The following OR5AS1 variants were observed in gnomAD, a reference collection of about 807,000 sequenced individuals.
OR5AS1 encodes the protein olfactory receptor 5AS1.
For synonymous variants in OR5AS1, 196 were observed against 141.7 expected (o/e 1.38, Z -2.72); for missense variants, 492 against 378.2 (o/e 1.30, Z -2.50).
chr11:56,030,733 T>C lies in OR5AS1; in HGVS notation c.315T>C (p.Ala105=), dbSNP rs367948779. ...GTGCACTACAAATGTTTTTCTTCGCTTCTTTTGCTGATGCTGAGTGCCTTA... is the reference window on the plus strand; with the variant it reads ...GTGCACTACAAATGTTTTTCTTCGCCTCTTTTGCTGATGCTGAGTGCCTTA... ...YGCALQMFFF[A]SFADAECLIL... Residue 105 remains alanine (A), a synonymous_variant, in exon 2 of 2, where the codon GCT becomes GCC. Coordinates refer to ENST00000641320, the MANE Select transcript of OR5AS1 (RefSeq NM_001001921.2). The C allele has an allele frequency of 1.9e-6, 3 of 1,612,300 alleles. No individual in the cohort carries two copies. The highest frequency in any genetic ancestry group is 1.7e-6 in the Non-Finnish European group (2 of 1,178,758).
chr11:56,030,817 T>A lies in OR5AS1; in HGVS notation c.399T>A (p.Thr133=). The A allele has an allele frequency of 6.2e-7, 1 of 1,613,940 alleles. No homozygotes were observed. The highest frequency in any genetic ancestry group is 8.5e-7 in the Non-Finnish European group (1 of 1,179,828). ...CCATCTGCAACCCACTGCTCTATAC[T>A]ACACTGATGTCTAGGAGAGTCTGTG... ...YAAICNPLLY[T]TLMSRRVCVC... is the part of the protein sequence containing the mutation. The change falls in exon 2 of 2, where the codon ACT becomes ACA. Residue 133 remains threonine, a synonymous_variant. Transcript: ENST00000641320.
chr11:56,032,715 A>G lies in OR5AS1; in HGVS notation c.*1322A>G, dbSNP rs1287935137. On this transcript the variant is annotated 3_prime_UTR_variant, in exon 2 of 2. Transcript: ENST00000641320. ...TAAATAATCTAATATTTATAGACATACCATGAAGATACTGTGGGTTCTCTT... is the reference window on the plus strand; with the variant it reads ...TAAATAATCTAATATTTATAGACATGCCATGAAGATACTGTGGGTTCTCTT... The G allele has an allele frequency of 6.6e-6, 1 of 152,152 alleles. No individual in the cohort carries two copies. The highest frequency in any genetic ancestry group is 2.4e-5 in the African/African-American group (1 of 41,388). 9.4% of individuals were successfully genotyped at this position (152,152 alleles called of 1,614,324 possible). A position where few individuals can be genotyped will look rare whatever the true frequency, so the allele number is the denominator to read the frequency against.
At chr11:56,030,356 A>G in intron 1 of OR5AS1, 35 bp from the exon 2 acceptor site, 1 of 1,072,438 alleles carries the variant, frequency 9.3e-7, no homozygotes, top group South Asian at 3.2e-5. Flanking sequence ...TTCATCCATA[A>G]CTCAAGTTAA....
In OR5AS1 at chr11:56,037,321, T is replaced by C. The variant is rs1350064668; in HGVS notation, c.*5928T>C. ...TCAAATAGGAAAAGAGGAAGTCAAA[T>C]CGTCTCTGTTTGCAGATGACATGAT... On this transcript the variant is annotated 3_prime_UTR_variant, in exon 2 of 2. Transcript: ENST00000641320. The C allele has an allele frequency of 1.3e-5, 2 of 152,084 alleles. No individual in the cohort carries two copies. Among genetic ancestry groups the C allele is most frequent in the East Asian group, 1.9e-4 (1 of 5,196 alleles). The allele number at this position is 152,084 out of a possible 1,614,324, so 9.4% of individuals were successfully genotyped here. A position where few individuals can be genotyped will look rare whatever the true frequency, so the allele number is the denominator to read the frequency against.
chr11:56,029,984 T>G (rs1440852363), intron 1 of OR5AS1, among the ~76,000 whole-genome samples: 1 of 152,124 alleles, frequency 6.6e-6, no homozygotes. Flanking sequence ...CTTTCATATT[T>G]TATCTCAACT....
rs893670116 is a variant in OR5AS1, at chr11:56,032,608, G to A, written c.*1215G>A. The A allele has an allele frequency of 6.6e-6, 1 of 152,080 alleles. No individual in the cohort carries two copies. The highest frequency in any genetic ancestry group is 2.4e-5 in the African/African-American group (1 of 41,364). 9.4% of individuals were successfully genotyped at this position (152,080 alleles called of 1,614,324 possible). A position where few individuals can be genotyped will look rare whatever the true frequency, so the allele number is the denominator to read the frequency against. ...CCTTGGACATGGAGACAATAAGATA[G>A]CACCTAATGAAATGGATTGTTTTGA... On this transcript the variant is annotated 3_prime_UTR_variant, in exon 2 of 2. Transcript: ENST00000641320.
Position 56,031,352 on chromosome 11 carries a change from A to T in OR5AS1, c.934A>T (p.Asn312Tyr), listed in dbSNP as rs1193991291. ...KKLLERIGYS[N>Y]EWYLNRLRIV... ...GCTATTAGAAAGAATTGGATATTCA[A>T]ATGAATGGTATTTAAATCGTTTAAG... is the stretch of plus-strand genomic sequence containing the variant. The change falls in exon 2 of 2, where the codon AAT becomes TAT. Residue 312 changes from asparagine to tyrosine, a missense_variant. Coordinates refer to ENST00000641320, the MANE Select transcript of OR5AS1 (RefSeq NM_001001921.2). 1 of 1,567,350 alleles carries T rather than the reference A, an allele frequency of 6.4e-7. No homozygotes were observed. Among genetic ancestry groups the T allele is most frequent in the African/African-American group, 1.4e-5 (1 of 73,540 alleles).
rs1183871905 is a variant in OR5AS1 at position 56,031,341 on chromosome 11, T to C, written c.923T>C (p.Ile308Thr). ...KNALKKLLER[I>T]GYSNEWYLNR... ...GCTCTCAAAAAGCTATTAGAAAGAATTGGATATTCAAATGAATGGTATTTA... is the reference window on the plus strand; with the variant it reads ...GCTCTCAAAAAGCTATTAGAAAGAACTGGATATTCAAATGAATGGTATTTA... Residue 308 changes from isoleucine (I) to threonine (T), a missense_variant, in exon 2 of 2, where the codon ATT (isoleucine) becomes ACT (threonine). Transcript: ENST00000641320. 1 of 1,581,274 alleles carries C rather than the reference T, an allele frequency of 6.3e-7. No homozygotes were observed. The highest frequency in any genetic ancestry group is 1.1e-5 in the South Asian group (1 of 88,576).
rs574110989 is a variant in OR5AS1, at chr11:56,031,144, T to C, written c.726T>C (p.Ala242=). 117 of 1,614,130 alleles carry C rather than the reference T, an allele frequency of 7.2e-5. No individual in the cohort carries two copies. The East Asian group carries it at 1.9e-3, about 26-fold the overall frequency. Residue 242 remains alanine (A), a synonymous_variant, in exon 2 of 2, where the codon GCT becomes GCC. Transcript: ENST00000641320. The part of the protein sequence containing the change: ...GGRSKTFSTC[A]SHLIAVTLFY... The stretch of plus-strand genomic sequence containing the variant: ...GAAGCAAAACATTCTCCACTTGTGC[T>C]TCCCACCTCATAGCAGTCACCTTAT...
At position 56,036,483 on chromosome 11, in the gene OR5AS1, A is replaced by T. The variant is rs538733243; in HGVS notation, c.*5090A>T. ...TGTTCCCACAGAAATACAAACTACC[A>T]TCAGAGAATACTATAAACACCTCCA... is the stretch of plus-strand genomic sequence containing the variant. On this transcript the variant is annotated 3_prime_UTR_variant, in exon 2 of 2. Coordinates refer to ENST00000641320, the MANE Select transcript of OR5AS1 (RefSeq NM_001001921.2). 43 of 152,258 alleles carry T rather than the reference A, an allele frequency of 2.8e-4. No individual in the cohort carries two copies. Among genetic ancestry groups the T allele is most frequent in the Admixed American group, 2.2e-3 (33 of 15,282 alleles). 9.4% of individuals were successfully genotyped at this position (152,258 alleles called of 1,614,324 possible). A position where few individuals can be genotyped will look rare whatever the true frequency, so the allele number is the denominator to read the frequency against.
intron 1 of OR5AS1, 132 bp downstream of exon 1, chr11:56,027,844 T>C (rs921749337): frequency 6.6e-6 from 1 of 151,380 alleles, no homozygotes; most frequent in African/African-American, 2.4e-5. Flanking sequence ...GTGTTTCAGT[T>C]TGTGTATGTA....
At position 56,033,019 on chromosome 11, in the gene OR5AS1, A is replaced by G. The variant is rs2512949; in HGVS notation, c.*1626A>G. 149,323 of 152,846 alleles carry G rather than the reference A, an allele frequency of 0.98. 73,070 individuals are homozygous for G. Among genetic ancestry groups the G allele is most frequent in the East Asian group, 1 (5,178 of 5,178 alleles). The allele number at this position is 152,846 out of a possible 1,614,324, so 9.5% of individuals were successfully genotyped here. A position where few individuals can be genotyped will look rare whatever the true frequency, so the allele number is the denominator to read the frequency against. ...GTGTTGCTTCACCCGGGAAGCACAA[A>G]GGGTTGGCAAACTCCCTCCACTAGC... On this transcript the variant is annotated 3_prime_UTR_variant, in exon 2 of 2. Transcript: ENST00000641320.
rs1377283149 is a variant in OR5AS1 at position 56,037,689 on chromosome 11, T to C, written c.*6296T>C. 6.6e-6 allele frequency: 1 copy of C among 151,840 alleles called. No homozygotes were observed. Among genetic ancestry groups the C allele is most frequent in the Non-Finnish European group, 1.5e-5 (1 of 67,988 alleles). 9.4% of individuals were successfully genotyped at this position (151,840 alleles called of 1,614,324 possible). A position where few individuals can be genotyped will look rare whatever the true frequency, so the allele number is the denominator to read the frequency against. ...TCATGAAAATGGCCATCTACTGCCC[T>C]AAGTAATTTTTAGATTCAATACTAT... On this transcript the variant is annotated 3_prime_UTR_variant, in exon 2 of 2. Coordinates refer to ENST00000641320, the MANE Select transcript of OR5AS1 (RefSeq NM_001001921.2).
Position 56,031,380 on chromosome 11 carries a change from T to C in OR5AS1, c.962T>C (p.Ile321Thr). Residue 321 changes from isoleucine (I) to threonine (T), a missense_variant, in exon 2 of 2, where the codon ATA becomes ACA. Ile to Thr is a moderately conservative substitution (Grantham distance 89). Transcript: ENST00000641320. The part of the protein sequence containing the change: ...SNEWYLNRLR[I>T]VNI ...GAATGGTATTTAAATCGTTTAAGAA[T>C]AGTCAATATCTAACTTACCCTTCCA... 6.5e-7 allele frequency: 1 copy of C among 1,527,438 alleles called. No homozygotes were observed. The highest frequency in any genetic ancestry group is 1.2e-5 in the South Asian group (1 of 81,190). 94.6% of individuals were successfully genotyped at this position (1,527,438 alleles called of 1,614,324 possible).
chr11:56,029,157 C>T (rs1853322874), intron 1 of OR5AS1, among the ~76,000 whole-genome samples: 1 of 152,044 alleles, frequency 6.6e-6, no homozygotes, highest in Non-Finnish European at 1.5e-5. Context: ...GGTTATCAGG[C>T]ATGATAGAGA....
At position 56,031,086 on chromosome 11, in the gene OR5AS1, T is replaced by A; in HGVS notation, c.668T>A (p.Ile223Asn). ...TTTATTTCTTACTTCTGCATCCTCA[T>A]CACTGTGTTGAGCATCAAGTCCTCA... ...VIFISYFCIL[I>N]TVLSIKSSGG... is the part of the protein sequence containing the mutation. The change falls in exon 2 of 2, where the codon ATC (isoleucine) becomes AAC (asparagine). Residue 223 changes from isoleucine (I) to asparagine (N), a missense_variant. Coordinates refer to ENST00000641320, the MANE Select transcript of OR5AS1 (RefSeq NM_001001921.2). 6.2e-7 allele frequency: 1 copy of A among 1,613,966 alleles called. No individual in the cohort carries two copies. The highest frequency in any genetic ancestry group is 2.2e-5 in the East Asian group (1 of 44,878).
At position 56,034,517 on chromosome 11, in the gene OR5AS1, T is replaced by C. The variant is rs1257759323; in HGVS notation, c.*3124T>C. ...AAACAGAAGGAAGGATATCAGAGAT[T>C]GAAGATCAACTTAATGAAATAAAGC... On this transcript the variant is annotated 3_prime_UTR_variant, in exon 2 of 2. Coordinates refer to ENST00000641320, the MANE Select transcript of OR5AS1 (RefSeq NM_001001921.2). The C allele has an allele frequency of 5.3e-5, 8 of 151,928 alleles. No individual in the cohort carries two copies. Among genetic ancestry groups the C allele is most frequent in the Admixed American group, 5.3e-4 (8 of 15,238 alleles). 9.4% of individuals were successfully genotyped at this position (151,928 alleles called of 1,614,324 possible).
chr11:56,030,957 A>T lies in OR5AS1; in HGVS notation c.539A>T (p.Asp180Val), dbSNP rs201818138. The T allele has an allele frequency of 5.0e-6, 8 of 1,614,090 alleles. No homozygotes were observed. The highest frequency in any genetic ancestry group is 3.3e-5 in the South Asian group (3 of 91,088). The change falls in exon 2 of 2, where the codon GAT (aspartate) becomes GTT (valine). Residue 180 changes from aspartate (D) to valine (V), a missense_variant. Coordinates refer to ENST00000641320, the MANE Select transcript of OR5AS1 (RefSeq NM_001001921.2). ...GSNIVNHFFCDIPPLLALSCT... is the reference protein window; with the variant it reads ...GSNIVNHFFCVIPPLLALSCT... ...AATATCGTCAATCATTTTTTCTGTGATATCCCACCTCTTCTGGCTTTATCA... is the reference window on the plus strand; with the variant it reads ...AATATCGTCAATCATTTTTTCTGTGTTATCCCACCTCTTCTGGCTTTATCA...
At position 56,034,019 on chromosome 11, in the gene OR5AS1, AG is replaced by A. The variant is rs1334596643; in HGVS notation, c.*2630del. 1.3e-5 allele frequency: 2 copies of A among 152,650 alleles called. No individual in the cohort carries two copies. The highest frequency in any genetic ancestry group is 4.8e-5 in the African/African-American group (2 of 41,398). The allele number at this position is 152,650 out of a possible 1,614,324, so 9.5% of individuals were successfully genotyped here. A position where few individuals can be genotyped will look rare whatever the true frequency, so the allele number is the denominator to read the frequency against. On this transcript the variant is annotated 3_prime_UTR_variant, in exon 2 of 2. Transcript: ENST00000641320. Reference sequence around the variant, plus strand: ...GCAAACTCCAGCAGACCTGCAGCAGAGGGGCCTGACAATTAAAAGGAAAACT... The same window carrying A: ...GCAAACTCCAGCAGACCTGCAGCAGAGGGCCTGACAATTAAAAGGAAAACT...
Sources: gnomAD v4.1 joint callset for allele counts (sites outside exome capture counted in the v4.1 genomes callset) on GRCh38, gnomAD v4.1.1 for gene constraint, MANE v1.5 for transcripts, NCBI Gene and HGNC (gene_info 2026-07-23, HGNC 2026-07-21) for gene names.